The following CDH20 variants were observed in gnomAD, a reference collection of about 807,000 sequenced individuals.
CDH20 encodes cadherin 20.
A neutral mutation model predicts 74.2 loss-of-function variants in CDH20; 29 were observed. The ratio of observed to expected loss-of-function variants is 0.39; its 90% CI spans 0.29 to 0.53. CDH20 has a LOEUF of 0.53. CDH20 is among the 20% of genes least tolerant of loss of function. The pLI, the probability that CDH20 is intolerant of heterozygous loss-of-function variation, is 0.69. For missense variants in CDH20, 988 were observed against 1,048.3 expected (o/e 0.94, Z 0.79); for synonymous variants, 469 against 405.4 (o/e 1.16, Z -1.88).
Position 61,404,932 on chromosome 18 carries a change from A to C in CDH20, c.-153+71105A>C, listed in dbSNP as rs1034140123. ...CCTGGATCAATGATAGCCAGTGTGC[A>C]TACTCTGTAGTATTTTCCTCATGCT... On this transcript the variant is annotated intron_variant, in intron 1 of 11. Coordinates refer to ENST00000262717, the MANE Select transcript of CDH20 (RefSeq NM_031891.4). 1.1e-5 allele frequency: 8 copies of C among 706,104 alleles called. 1 individual carries two copies. Among genetic ancestry groups the C allele is most frequent in the South Asian group, 9.8e-5 (7 of 71,738 alleles). 43.7% of individuals were successfully genotyped at this position (706,104 alleles called of 1,614,324 possible). A position where few individuals can be genotyped will look rare whatever the true frequency, so the allele number is the denominator to read the frequency against.
intron 1 of CDH20, among the ~76,000 whole-genome samples, chr18:61,366,097 T>A (rs1910850405): frequency 6.6e-6 from 1 of 152,206 alleles, no homozygotes; most frequent in South Asian, 2.1e-4. Context: ...TTTTGTGAGA[T>A]CTTTATCAAT....
Position 61,554,443 on chromosome 18 carries a change from G to T in CDH20, c.2154G>T (p.Val718=). The change falls in exon 12 of 12, where the codon GTG becomes GTT. Residue 718 remains valine (V), a synonymous_variant. Coordinates refer to ENST00000262717, the MANE Select transcript of CDH20 (RefSeq NM_031891.4). ...GCTACGTGCCTCAGACGTGCGCAGTGAACAGCACTGTCCACAGCTACGTGC... is the reference window on the plus strand; with the variant it reads ...GCTACGTGCCTCAGACGTGCGCAGTTAACAGCACTGTCCACAGCTACGTGC... ...LSRYVPQTCA[V]NSTVHSYVLA... is the part of the protein sequence containing the mutation. 1 of 1,613,342 alleles carries T rather than the reference G, an allele frequency of 6.2e-7. No individual in the cohort carries two copies. The highest frequency in any genetic ancestry group is 8.5e-7 in the Non-Finnish European group (1 of 1,179,954).
chr18:61,489,795 TAG>T (rs1186011554), intron 1 of CDH20, among the ~76,000 whole-genome samples: 1 of 151,932 alleles, frequency 6.6e-6, no homozygotes, highest in Non-Finnish European at 1.5e-5. Context: ...GCCAAAACAG[TAG>T]AGTGTGAAAC....
At chr18:61,498,617 C>T (rs577954411) in intron 2 of CDH20, among the ~76,000 whole-genome samples, 8 of 152,224 alleles carry the variant, frequency 5.3e-5, no homozygotes, top group South Asian at 2.1e-4. Flanking sequence ...CCAGTCCTAC[C>T]GAATGAAACT....
Position 61,550,168 on chromosome 18 carries a change from C to T in CDH20, c.1839C>T (p.Leu613=). 6.2e-7 allele frequency: 1 copy of T among 1,614,130 alleles called. No homozygotes were observed. The highest frequency in any genetic ancestry group is 8.5e-7 in the Non-Finnish European group (1 of 1,180,040). The change falls in exon 11 of 12, where the codon CTC becomes CTT. Residue 613 remains leucine, a synonymous_variant. Coordinates refer to ENST00000262717, the MANE Select transcript of CDH20 (RefSeq NM_031891.4). ...CCTGCAGCCCAGAGGCCTACATGCT[C>T]CCAGTCAGTTTGAGCCGGGGCGCCC... ...VMSCSPEAYM[L]PVSLSRGALI...
At chr18:61,524,595 C>A (rs1912321235) in intron 6 of CDH20, among the ~76,000 whole-genome samples, 1 of 152,102 alleles carries the variant, frequency 6.6e-6, no homozygotes. Flanking sequence ...TGCATCCATA[C>A]AACAGAATAC....
chr18:61,497,421 A>G (rs1158832659), intron 2 of CDH20, among the ~76,000 whole-genome samples: 1 of 152,154 alleles, frequency 6.6e-6, no homozygotes, highest in Admixed American at 6.5e-5. Flanking sequence ...TAATCCTCAG[A>G]GTAACACTGT....
intron 2 of CDH20, 50 bp from the exon 3 acceptor site, chr18:61,499,136 C>A: frequency 7.2e-7 from 1 of 1,398,312 alleles, no homozygotes; most frequent in Non-Finnish European, 9.7e-7. Context: ...AATGTGTTTT[C>A]TGACACCTGT....
intron 9 of CDH20, among the ~76,000 whole-genome samples, chr18:61,542,700 G>A (rs1362253200): frequency 1.3e-5 from 2 of 152,126 alleles, no homozygotes; most frequent in Non-Finnish European, 2.9e-5. Context: ...TTTGGCTCAT[G>A]GTTCTACAGG....
intron 1 of CDH20, among the ~76,000 whole-genome samples, chr18:61,345,749 T>C (rs1442919690): frequency 6.6e-6 from 1 of 152,120 alleles, no homozygotes; most frequent in African/African-American, 2.4e-5. Flanking sequence ...TAATGAATCA[T>C]GGGAAACATC....
At chr18:61,464,855 G>A (rs983511943) in intron 1 of CDH20, among the ~76,000 whole-genome samples, 1 of 152,240 alleles carries the variant, frequency 6.6e-6, no homozygotes, top group Admixed American at 6.5e-5. Context: ...AGTCAAGGTT[G>A]TGGCAAAACC....
At chr18:61,525,272 T>A (rs141212280) in intron 6 of CDH20, among the ~76,000 whole-genome samples, 9 of 152,288 alleles carry the variant, frequency 5.9e-5, no homozygotes, top group Admixed American at 5.2e-4. Context: ...AAATATCTTA[T>A]TTTTTAAAAC....
chr18:61,359,959 C>T (rs1910634452), intron 1 of CDH20, among the ~76,000 whole-genome samples: 1 of 152,306 alleles, frequency 6.6e-6, no homozygotes, highest in East Asian at 1.9e-4. Context: ...CAGTCAATTA[C>T]AGAAAATTGT....
intron 1 of CDH20, among the ~76,000 whole-genome samples, chr18:61,355,472 G>T (rs1235968855): frequency 6.6e-6 from 1 of 152,164 alleles, no homozygotes; most frequent in East Asian, 1.9e-4. Context: ...CACAAGGAAA[G>T]AACACATGTA....
intron 1 of CDH20, among the ~76,000 whole-genome samples, chr18:61,391,080 T>G (rs951899539): frequency 6.6e-6 from 1 of 152,198 alleles, no homozygotes. Flanking sequence ...CAAACACTTT[T>G]GCTATGTACA....
At chr18:61,355,377 G>A (rs1296207123) in intron 1 of CDH20, among the ~76,000 whole-genome samples, 1 of 152,120 alleles carries the variant, frequency 6.6e-6, no homozygotes, top group Non-Finnish European at 1.5e-5. Context: ...TTCTTACTGG[G>A]ACTAAAGGAC....
chr18:61,517,125 G>A (rs1289505627), intron 6 of CDH20, among the ~76,000 whole-genome samples: 2 of 152,146 alleles, frequency 1.3e-5, no homozygotes, highest in Non-Finnish European at 2.9e-5. Context: ...GCACCTAAAT[G>A]TAAAAACCTA....
At chr18:61,336,112 A>G (rs755674591) in intron 1 of CDH20, among the ~76,000 whole-genome samples, 1 of 152,214 alleles carries the variant, frequency 6.6e-6, no homozygotes, top group Non-Finnish European at 1.5e-5. Flanking sequence ...CACAGGGTTC[A>G]GAGACTGGAA....
At chr18:61,528,446 G>GACACACATACACAC (rs370479851) in intron 7 of CDH20, among the ~76,000 whole-genome samples, 15,810 of 97,410 alleles carry the variant, frequency 0.16, 1,112 homozygotes, top group Middle Eastern at 0.22. Context: ...AATTGGTTGA[G>GACACACATACACAC]ACACACACAC....
Sources: allele counts gnomAD v4.1 joint callset (sites outside exome capture counted in the v4.1 genomes callset), GRCh38; gene constraint gnomAD v4.1.1; transcripts MANE v1.5; gene names NCBI Gene and HGNC (gene_info 2026-07-23, HGNC 2026-07-21).